Variants in GRIP1 observed in about 807,000 individuals in gnomAD.
GRIP1 encodes glutamate receptor interacting protein 1.
Under a neutral mutation model 129.9 loss-of-function variants are expected in GRIP1, and 45 were observed. The observed-to-expected ratio is 0.35, with a 90% CI of 0.27 to 0.44. The LOEUF is 0.44. GRIP1 is among the 20% of genes least tolerant of loss of function. GRIP1 has a pLI of 1.00. For missense variants in GRIP1, 1,196 were observed against 1,396.8 expected (o/e 0.86, Z 2.29); for synonymous variants, 530 against 520.8 (o/e 1.02, Z -0.24).
rs1347976929 is a variant in GRIP1 at position 66,970,661 on chromosome 12, A to G, written c.58+98389T>C. 3.3e-5 allele frequency among the ~76,000 whole-genome samples: 5 copies of G among 149,788 alleles called. No individual in the cohort carries two copies. The Admixed American group carries it at 3.4e-4, about 10-fold the overall frequency. On this transcript the variant is annotated intron_variant, in intron 1 of 1. Coordinates refer to the GRIP1 transcript ENST00000643019. ...CTTTCAGCTGTAATCCACTGTTATT[A>G]TAAGGAGCCCTGTTGCTGTGGTGGT...
chr12:66,478,487 C>A (rs188291849), intron 7 of GRIP1, among the ~76,000 whole-genome samples: 41,040 of 151,618 alleles, frequency 0.27, 5,878 homozygotes, highest in Middle Eastern at 0.46. Flanking sequence ...TCAGGGATCT[C>A]GAACTAGAAA....
At chr12:66,714,891 C>T (rs1293894045) in intron 1 of GRIP1, among the ~76,000 whole-genome samples, 1 of 28,996 alleles carries the variant, frequency 3.4e-5, no homozygotes, top group East Asian at 8.2e-4. Context: ...ATCCACCCAT[C>T]CATCCATCCA....
intron 1 of GRIP1, among the ~76,000 whole-genome samples, chr12:66,732,821 A>T (rs2136507651): frequency 6.6e-6 from 1 of 152,304 alleles, no homozygotes; most frequent in South Asian, 2.1e-4. Flanking sequence ...ACTATGCAAG[A>T]GGTCAGTGCC....
At chr12:66,518,175 T>C (rs948056411) in intron 5 of GRIP1, among the ~76,000 whole-genome samples, 199 bp from the exon 6 acceptor site, 10 of 152,180 alleles carry the variant, frequency 6.6e-5, no homozygotes, top group Admixed American at 5.2e-4. Context: ...CATTTCTCCA[T>C]CTTTCAATAA....
At chr12:66,879,827 G>GA (rs1204734689) in intron 1 of GRIP1, among the ~76,000 whole-genome samples, 102 of 152,202 alleles carry the variant, frequency 6.7e-4, no homozygotes, top group Non-Finnish European at 1.0e-3. Flanking sequence ...CAGAGCTTAT[G>GA]GGCAATTGAA....
chr12:66,827,916 T>C (rs2039447868), intron 1 of GRIP1, among the ~76,000 whole-genome samples: 1 of 152,206 alleles, frequency 6.6e-6, no homozygotes, highest in South Asian at 2.1e-4. Flanking sequence ...CAAGTTCTAG[T>C]TTTCTTAGTG....
intron 7 of GRIP1, among the ~76,000 whole-genome samples, chr12:66,485,233 G>A (rs1270158821): frequency 1.3e-5 from 2 of 152,154 alleles, no homozygotes; most frequent in South Asian, 2.1e-4. Context: ...AGTTGAGTGT[G>A]TAGTGGTATC....
chr12:66,448,355 T>C (rs7304118), intron 11 of GRIP1, among the ~76,000 whole-genome samples: 80,070 of 152,082 alleles, frequency 0.53, 24,627 homozygotes, highest in African/African-American at 0.86. Context: ...TCTGGATGAC[T>C]AGTGAAATAT....
rs370066527 is a variant in GRIP1 at position 66,823,149 on chromosome 12, AG to A, written c.59-226223del. 7.1e-3 allele frequency among the ~76,000 whole-genome samples: 1,088 copies of A among 152,256 alleles called. 7 individuals are homozygous for A. Among genetic ancestry groups the A allele is most frequent in the Middle Eastern group, 0.014 (4 of 294 alleles). On this transcript the variant is annotated intron_variant, in intron 1 of 1. Coordinates refer to the GRIP1 transcript ENST00000643019. Reference sequence around the variant, plus strand: ...GACTTGTTTTCTGATCTATAAAATGAGGGGATTGCACAATATGATAGCTTAT... The same window carrying A: ...GACTTGTTTTCTGATCTATAAAATGAGGGATTGCACAATATGATAGCTTAT...
chr12:66,455,384 T>C (rs1334110311), intron 11 of GRIP1, 25 bp downstream of exon 11: 10 of 1,611,864 alleles, frequency 6.2e-6, no homozygotes, highest in Non-Finnish European at 6.8e-6. Flanking sequence ...CCAGGCCAAA[T>C]GCCATTGGCT....
intron 1 of GRIP1, among the ~76,000 whole-genome samples, chr12:66,741,036 G>A (rs184993004): frequency 3.3e-5 from 5 of 152,220 alleles, no homozygotes; most frequent in Non-Finnish European, 5.9e-5. Context: ...TCCTTGAAAC[G>A]GGCTTGGTTG....
intron 20 of GRIP1, among the ~76,000 whole-genome samples, 155 bp from the exon 21 acceptor site, chr12:66,377,440 G>T (rs1195111734): frequency 6.7e-6 from 1 of 150,258 alleles, no homozygotes; most frequent in Non-Finnish European, 1.5e-5. Flanking sequence ...CCATTCTCCT[G>T]CCTCAGCCTC....
At chr12:66,577,514 C>T (rs1397178273) in intron 2 of GRIP1, among the ~76,000 whole-genome samples, 1 of 152,146 alleles carries the variant, frequency 6.6e-6, no homozygotes, top group East Asian at 1.9e-4. Context: ...CATTCTATTT[C>T]ATCATTGTGT....
chr12:66,549,481 T>G (rs2062055842), intron 2 of GRIP1, among the ~76,000 whole-genome samples: 1 of 152,194 alleles, frequency 6.6e-6, no homozygotes, highest in African/African-American at 2.4e-5. Flanking sequence ...TATCTGTATA[T>G]TACTTTTGGT....
intron 1 of GRIP1, among the ~76,000 whole-genome samples, chr12:66,991,343 C>A (rs2042391756): frequency 6.6e-6 from 1 of 152,070 alleles, no homozygotes. Context: ...AACATAATAA[C>A]CTAAAATAGG....
chr12:67,010,496 C>T (rs149681755), intron 1 of GRIP1, among the ~76,000 whole-genome samples: 5 of 152,170 alleles, frequency 3.3e-5, no homozygotes, highest in Admixed American at 2.0e-4. Flanking sequence ...GACTATACTA[C>T]GAATTAACGA....
At position 66,788,078 on chromosome 12, in the gene GRIP1, G is replaced by T. The variant is rs141608866; in HGVS notation, c.-420+15975C>A. Among the ~76,000 whole-genome samples, 722 of 152,144 alleles carry T rather than the reference G, an allele frequency of 4.7e-3. 8 individuals carry two copies. Among genetic ancestry groups the T allele is most frequent in the African/African-American group, 0.016 (655 of 41,488 alleles). On this transcript the variant is annotated intron_variant, in intron 1 of 4. Transcript: ENST00000538373. Reference sequence around the variant, plus strand: ...TATTTCACACACCCCTGCCATAGGGGTGGTCATGGGGCACAAGACAGATTG... The same window carrying T: ...TATTTCACACACCCCTGCCATAGGGTTGGTCATGGGGCACAAGACAGATTG...
chr12:66,406,324 T>A lies in GRIP1; in HGVS notation c.1943A>T (p.Asp648Val). Residue 648 changes from aspartate to valine, a missense_variant, in exon 16 of 25, where the codon GAC becomes GTC. This residue lies in a region of GRIP1 where 508 missense variants were observed against 587.0 expected (regional missense o/e 0.87). Coordinates refer to ENST00000359742, the MANE Select transcript of GRIP1 (RefSeq NM_001366722.1). ...DAVQILQQCEDLVKLKIRKDE... is the reference protein window; with the variant it reads ...DAVQILQQCEVLVKLKIRKDE... ...TTTGCGGATTTTGAGCTTCACCAGG[T>A]CTTCACATTGCTGGAGGATCTGAAC... is the stretch of plus-strand genomic sequence containing the variant. 5 of 1,614,094 alleles carry A rather than the reference T, an allele frequency of 3.1e-6. No homozygotes were observed. The South Asian group carries it at 5.5e-5, about 18-fold the overall frequency.
chr12:66,681,643 G>A (rs1417307795), upstream of GRIP1, among the ~76,000 whole-genome samples: 1 of 152,154 alleles, frequency 6.6e-6, no homozygotes, highest in Non-Finnish European at 1.5e-5. Flanking sequence ...CATGCTCTGT[G>A]AGGGTCACCA....
Sources: gnomAD v4.1 joint callset for allele counts (sites outside exome capture counted in the v4.1 genomes callset) on GRCh38, gnomAD v4.1.1 for gene constraint, gnomAD v4.1.1 regional missense constraint, MANE v1.5 for transcripts, NCBI Gene and HGNC (gene_info 2026-07-23, HGNC 2026-07-21) for gene names.